ZDHHC21: variants seen among roughly 807,000 people sequenced by gnomAD.
ZDHHC21 encodes the protein palmitoyltransferase ZDHHC21.
In ZDHHC21, 15 loss-of-function variants were observed where a neutral mutation model predicts 34.6. The ratio of observed to expected loss-of-function variants is 0.43; its 90% confidence interval spans 0.29 to 0.67. The LOEUF (loss-of-function observed/expected upper bound fraction) is 0.67. Ranked by LOEUF, ZDHHC21 falls within the 30% of genes least tolerant of loss-of-function variation. ZDHHC21 has a pLI of 0.14. For missense variants in ZDHHC21, 344 were observed against 327.7 expected (o/e 1.05, Z -0.38); for synonymous variants, 142 against 101.8 (o/e 1.40, Z -2.38).
intron 8 of ZDHHC21, among the ~76,000 whole-genome samples, chr9:14,621,744 C>T (rs754800471): frequency 7.9e-5 from 12 of 152,016 alleles, no homozygotes; most frequent in African/African-American, 1.4e-4. Context: ...CAGAGCAATA[C>T]AAATTAGGTT....
At position 14,645,486 on chromosome 9, in the gene ZDHHC21, A is replaced by G. The variant is rs187383406; in HGVS notation, c.505-5474T>C. On this transcript the variant is annotated intron_variant, in intron 7 of 9. Transcript: ENST00000380916. ...GTAGAAATGGGAAAGACAGAAAAAT[A>G]TAGTACCTAGATGATAATAAAGGAG... Among the ~76,000 whole-genome samples, 12 of 152,280 alleles carry G rather than the reference A, an allele frequency of 7.9e-5. No individual in the cohort carries two copies. The East Asian group carries it at 2.3e-3, about 29-fold the overall frequency.
chr9:14,638,968 T>G (rs2382496), intron 8 of ZDHHC21, among the ~76,000 whole-genome samples: 2 of 151,742 alleles, frequency 1.3e-5, no homozygotes, highest in Non-Finnish European at 2.9e-5. Flanking sequence ...AAACTAAAAA[T>G]AGAACTACCA....
At chr9:14,658,619 C>T (rs983610910) in intron 7 of ZDHHC21, 130 bp downstream of exon 7, 2 of 643,918 alleles carry the variant, frequency 3.1e-6, no homozygotes, top group Non-Finnish European at 4.9e-6. Flanking sequence ...CTACAGGCGC[C>T]CGCCACCTCG....
At chr9:14,602,794 G>A in the ZDHHC21 span, among the ~76,000 whole-genome samples, 7 of 152,048 alleles carry the variant, frequency 4.6e-5, no homozygotes, top group Non-Finnish European at 5.9e-5. Context: ...ACAGTGAATT[G>A]CACTTATAAT....
In ZDHHC21 at chr9:14,676,035, G is replaced by C. The variant is rs74988159; in HGVS notation, c.-45-1650C>G. 1.3e-3 allele frequency among the ~76,000 whole-genome samples: 196 copies of C among 152,104 alleles called. 1 individual carries two copies. Among genetic ancestry groups the C allele is most frequent in the African/African-American group, 4.6e-3 (189 of 41,528 alleles). On this transcript the variant is annotated intron_variant, in intron 3 of 9. Transcript: ENST00000380916. ...TGAAGGACATAAAGATGCCATGTTAGAATGCTAAGACTGAATTCTTCGGCA... is the reference window on the plus strand; with the variant it reads ...TGAAGGACATAAAGATGCCATGTTACAATGCTAAGACTGAATTCTTCGGCA...
At chr9:14,684,310 C>G (rs1837922073) in intron 2 of ZDHHC21, among the ~76,000 whole-genome samples, 1 of 151,762 alleles carries the variant, frequency 6.6e-6, no homozygotes, top group Non-Finnish European at 1.5e-5. Flanking sequence ...ACCCCATTGT[C>G]TCAGCCCAAA....
intron 9 of ZDHHC21, 85 bp from the exon 10 acceptor site, chr9:14,619,183 C>T: frequency 7.2e-7 from 1 of 1,390,838 alleles, no homozygotes; most frequent in Non-Finnish European, 9.6e-7. Flanking sequence ...GGCTGGGGAT[C>T]CATTACTGGA....
intron 2 of ZDHHC21, among the ~76,000 whole-genome samples, chr9:14,684,654 T>C (rs1038219732): frequency 2.0e-5 from 3 of 151,844 alleles, no homozygotes. Flanking sequence ...TTCAATGCCA[T>C]CCCCATCAAG....
In ZDHHC21 at chr9:14,661,315, A is replaced by T. The variant is rs1833358902; in HGVS notation, c.365+900T>A. Among the ~76,000 whole-genome samples the T allele has an allele frequency of 3.3e-5, 5 of 152,196 alleles. No homozygotes were observed. In the South Asian group the frequency reaches 1.0e-3, roughly 32 times the overall value. On this transcript the variant is annotated intron_variant, in intron 6 of 9. Transcript: ENST00000380916. Reference sequence around the variant, plus strand: ...CAAAAATAAAGAAAACTCTAAATAGACTAACATTAGAAAAAGCTAAACTCC... The same window carrying T: ...CAAAAATAAAGAAAACTCTAAATAGTCTAACATTAGAAAAAGCTAAACTCC...
intron 6 of ZDHHC21, among the ~76,000 whole-genome samples, chr9:14,659,244 G>C (rs1361762029): frequency 1.3e-5 from 2 of 152,114 alleles, no homozygotes; most frequent in African/African-American, 2.4e-5. Flanking sequence ...GGGGCCAAGA[G>C]AGCAAGAACC....
At chr9:14,683,091 C>T (rs867529685) in intron 2 of ZDHHC21, among the ~76,000 whole-genome samples, 9 of 152,132 alleles carry the variant, frequency 5.9e-5, no homozygotes, top group Middle Eastern at 3.4e-3. Flanking sequence ...CAGGGAAGAT[C>T]TAAAATTGAC....
At chr9:14,599,299 A>G in the ZDHHC21 span, among the ~76,000 whole-genome samples, 1 of 152,114 alleles carries the variant, frequency 6.6e-6, no homozygotes, top group Admixed American at 6.5e-5. Flanking sequence ...ACAGAGGATG[A>G]GCCAAAGCAG....
intron 7 of ZDHHC21, among the ~76,000 whole-genome samples, chr9:14,656,978 T>A (rs1331384192): frequency 1.3e-5 from 2 of 152,100 alleles, no homozygotes; most frequent in South Asian, 2.1e-4. Flanking sequence ...CCAACATTCA[T>A]TATGCATGTA....
Position 14,618,969 on chromosome 9 carries a change from G to C in ZDHHC21, c.795C>G (p.Val265=). 1 of 1,607,662 alleles carries C rather than the reference G, an allele frequency of 6.2e-7. No homozygotes were observed. Among genetic ancestry groups the C allele is most frequent in the Non-Finnish European group, 8.5e-7 (1 of 1,176,732 alleles). ...LRVPYHFANH[V] ...TCTGTGCCCACCATCCATCTGTTTAGACATGATTGGCAAAGTGGTAGGGAA... is the reference window on the plus strand; with the variant it reads ...TCTGTGCCCACCATCCATCTGTTTACACATGATTGGCAAAGTGGTAGGGAA... The change falls in exon 10 of 10, where the codon GTC becomes GTG. Residue 265 remains valine (V), a synonymous_variant. Transcript: ENST00000380916.
chr9:14,592,584 C>T, the ZDHHC21 span, among the ~76,000 whole-genome samples: 1 of 151,896 alleles, frequency 6.6e-6, no homozygotes, highest in Non-Finnish European at 1.5e-5. Flanking sequence ...ATTTCAATAC[C>T]CCATTCTCAA....
At chr9:14,596,712 A>C in the ZDHHC21 span, among the ~76,000 whole-genome samples, 1 of 152,152 alleles carries the variant, frequency 6.6e-6, no homozygotes, top group African/African-American at 2.4e-5. Context: ...AAAGCAAATA[A>C]TTCTGAAAGA....
chr9:14,683,046 C>A (rs111593049), intron 2 of ZDHHC21, among the ~76,000 whole-genome samples: 4,953 of 152,106 alleles, frequency 0.033, 286 homozygotes, highest in African/African-American at 0.11. Context: ...GTGTGTAGAG[C>A]GAAATTTATA....
rs867653554 is a variant in ZDHHC21, at chr9:14,612,516, C to A, written c.*6450G>T. The A allele has an allele frequency of 6.6e-6, 1 of 151,924 alleles. No individual in the cohort carries two copies. The highest frequency in any genetic ancestry group is 1.9e-4 in the East Asian group (1 of 5,186). The allele number at this position is 151,924 out of a possible 1,614,324, so 9.4% of individuals were successfully genotyped here. On this transcript the variant is annotated 3_prime_UTR_variant, in exon 10 of 10. Transcript: ENST00000380916. ...TTACGAGTACACTTAAAGGGTGTTTCTCTTCATTTTTGTAAAATTAACTAC... is the reference window on the plus strand; with the variant it reads ...TTACGAGTACACTTAAAGGGTGTTTATCTTCATTTTTGTAAAATTAACTAC...
At position 14,688,371 on chromosome 9, in the gene ZDHHC21, T is replaced by C. The variant is rs527885344; in HGVS notation, c.-176+1966A>G. On this transcript the variant is annotated intron_variant, in intron 2 of 9. Transcript: ENST00000380916. ...AGTGAAAGATAAGTTTTACTTCTAG[T>C]TTTACAAACTCCAGAATGAAACAAC... Among the ~76,000 whole-genome samples, 104 of 150,834 alleles carry C rather than the reference T, an allele frequency of 6.9e-4. 10 individuals carry two copies. The highest frequency in any genetic ancestry group is 2.5e-3 in the African/African-American group (102 of 40,154).
Sources: gnomAD v4.1 joint callset for allele counts (sites outside exome capture counted in the v4.1 genomes callset) on GRCh38, gnomAD v4.1.1 for gene constraint, MANE v1.5 for transcripts, NCBI Gene and HGNC (gene_info 2026-07-23, HGNC 2026-07-21) for gene names.